The following TBC1D4 variants were observed in gnomAD, a reference collection of about 807,000 sequenced individuals.
TBC1D4 encodes TBC1 domain family member 4, also known as TBC (Tre-2, BUB2, CDC16) domain-containing protein.
A neutral mutation model predicts 142.5 loss-of-function variants in TBC1D4; 121 were observed. The observed-to-expected ratio is 0.85, with a 90% CI of 0.73 to 0.99. TBC1D4 has a LOEUF of 0.99. Ranked by LOEUF, TBC1D4 falls within the 50% of genes least tolerant of loss-of-function variation. TBC1D4 has a pLI of 0.00. For synonymous variants in TBC1D4, 630 were observed against 628.2 expected, an observed-to-expected ratio of 1.00 and a Z score of -0.04; for missense variants, 1,475 against 1,606.6, an observed-to-expected ratio of 0.92 and a Z score of 1.40.
intron 1 of TBC1D4, chr13:75,366,808 G>T: frequency 5.0e-6 from 2 of 399,356 alleles, no homozygotes; most frequent in Non-Finnish European, 6.8e-6. Flanking sequence ...CATTTTACCT[G>T]ATTTCAAAAT....
intron 1 of TBC1D4, among the ~76,000 whole-genome samples, chr13:75,378,727 T>C (rs1194908779): frequency 6.6e-6 from 1 of 152,128 alleles, no homozygotes; most frequent in Non-Finnish European, 1.5e-5. Context: ...ATCTTCTCAA[T>C]TTTTCTATAC....
At chr13:75,349,445 AT>A (rs1881427218) in intron 4 of TBC1D4, 143 bp from the exon 5 acceptor site, 2 of 1,135,368 alleles carry the variant, frequency 1.8e-6, no homozygotes. Flanking sequence ...CCGAGAGAAA[AT>A]ACTAAGTCTT....
At chr13:75,414,351 A>T (rs1250017220) in intron 1 of TBC1D4, among the ~76,000 whole-genome samples, 2 of 152,244 alleles carry the variant, frequency 1.3e-5, no homozygotes, top group African/African-American at 4.8e-5. Flanking sequence ...AACAAAGTGA[A>T]CTGAAAGGTG....
At chr13:75,367,633 G>T (rs191669618) in intron 1 of TBC1D4, among the ~76,000 whole-genome samples, 7 of 152,238 alleles carry the variant, frequency 4.6e-5, no homozygotes, top group Admixed American at 4.6e-4. Context: ...GAGACAGTAT[G>T]GAAAAGAAAT....
intron 1 of TBC1D4, among the ~76,000 whole-genome samples, chr13:75,414,107 C>A (rs138505927): frequency 6.6e-6 from 1 of 152,192 alleles, no homozygotes; most frequent in African/African-American, 2.4e-5. Context: ...AATACTACAT[C>A]CGCATTCCCA....
chr13:75,314,628 C>T (rs76443220), intron 12 of TBC1D4, among the ~76,000 whole-genome samples: 1,752 of 152,118 alleles, frequency 0.012, 18 homozygotes, highest in Non-Finnish European at 0.018. Context: ...TATTATGCAT[C>T]CTGGATAACA....
At chr13:75,345,700 C>T (rs1441138868) in intron 5 of TBC1D4, among the ~76,000 whole-genome samples, 2 of 151,266 alleles carry the variant, frequency 1.3e-5, no homozygotes, top group African/African-American at 2.4e-5. Context: ...TGAGACCAGC[C>T]TGGGCAACAT....
intron 1 of TBC1D4, among the ~76,000 whole-genome samples, chr13:75,429,558 A>AT (rs765278839): frequency 5.9e-5 from 9 of 152,250 alleles, no homozygotes; most frequent in Non-Finnish European, 8.8e-5. Context: ...TATTGTTGTC[A>AT]TAAAAAAAAG....
chr13:75,410,026 GC>G (rs1402357593), intron 1 of TBC1D4, among the ~76,000 whole-genome samples: 2 of 152,094 alleles, frequency 1.3e-5, no homozygotes, highest in African/African-American at 2.4e-5. Flanking sequence ...AACCAAATTT[GC>G]CACTTACCTT....
chr13:75,294,801 T>C, intron 18 of TBC1D4, 53 bp downstream of exon 18: 4 of 1,585,826 alleles, frequency 2.5e-6, no homozygotes, highest in Non-Finnish European at 2.6e-6. Flanking sequence ...GAAGTAGAAG[T>C]ATAGTCCTTG....
At chr13:75,352,695 T>C (rs509448) in intron 4 of TBC1D4, among the ~76,000 whole-genome samples, 74,326 of 151,972 alleles carry the variant, frequency 0.49, 18,546 homozygotes, top group East Asian at 0.69. Flanking sequence ...ATCATCTAAA[T>C]TTCCAGCAAA....
chr13:75,449,042 T>A (rs980214444), intron 1 of TBC1D4, among the ~76,000 whole-genome samples: 1 of 150,176 alleles, frequency 6.7e-6, no homozygotes, highest in Non-Finnish European at 1.5e-5. Flanking sequence ...CATATTTGAC[T>A]TATATATATA....
chr13:75,390,823 T>C (rs1176470729), intron 1 of TBC1D4, among the ~76,000 whole-genome samples: 1 of 121,482 alleles, frequency 8.2e-6, no homozygotes, highest in African/African-American at 3.3e-5. Context: ...TGTGTGAGGA[T>C]GGATAGATAG....
At chr13:75,406,930 CAT>C (rs1209716017) in intron 1 of TBC1D4, among the ~76,000 whole-genome samples, 1 of 152,158 alleles carries the variant, frequency 6.6e-6, no homozygotes, top group Non-Finnish European at 1.5e-5. Context: ...GTAGGATCTG[CAT>C]CATTCTGATC....
intron 1 of TBC1D4, among the ~76,000 whole-genome samples, chr13:75,392,946 C>T (rs12865447): frequency 0.3 from 45,929 of 151,826 alleles, 7,313 homozygotes; most frequent in Non-Finnish European, 0.35. Flanking sequence ...AGCCTTTTTT[C>T]TCTGATTTAC....
At chr13:75,468,952 A>G (rs751346243) in intron 1 of TBC1D4, among the ~76,000 whole-genome samples, 9 of 152,186 alleles carry the variant, frequency 5.9e-5, no homozygotes, top group Non-Finnish European at 1.0e-4. Flanking sequence ...AAAAAAGAAA[A>G]TTAATTTTAA....
At chr13:75,458,036 T>A (rs754806990) in intron 1 of TBC1D4, among the ~76,000 whole-genome samples, 10 of 152,180 alleles carry the variant, frequency 6.6e-5, no homozygotes, top group Non-Finnish European at 1.3e-4. Flanking sequence ...CGTTCATGGA[T>A]GGCTAAGTGT....
At chr13:75,427,783 C>G (rs1886438529) in intron 1 of TBC1D4, among the ~76,000 whole-genome samples, 1 of 152,214 alleles carries the variant, frequency 6.6e-6, no homozygotes, top group Non-Finnish European at 1.5e-5. Context: ...TATAACTGTG[C>G]TTTATTCACT....
chr13:75,432,977 C>T (rs550926285), intron 1 of TBC1D4, among the ~76,000 whole-genome samples: 1 of 151,814 alleles, frequency 6.6e-6, no homozygotes, highest in African/African-American at 2.4e-5. Context: ...TGTCACAATG[C>T]CTATGCTCTT....
Sources: gnomAD v4.1 joint callset for allele counts (sites outside exome capture counted in the v4.1 genomes callset) on GRCh38, gnomAD v4.1.1 for gene constraint, MANE v1.5 for transcripts, NCBI Gene and HGNC (gene_info 2026-07-23, HGNC 2026-07-21) for gene names.